CTNND2: variants seen among roughly 807,000 people sequenced by gnomAD.
The protein encoded by CTNND2 is catenin delta-2.
A neutral mutation model predicts 144.4 loss-of-function variants in CTNND2; 22 were observed. The ratio of observed to expected loss-of-function variants is 0.15; its 90% CI spans 0.11 to 0.22. The LOEUF is 0.22. Ranked by LOEUF, CTNND2 falls within the 10% of genes least tolerant of loss-of-function variation. The pLI is 1.00. For missense variants in CTNND2, 1,353 were observed against 1,618.8 expected (o/e 0.84, Z 2.82); for synonymous variants, 751 against 695.6 (o/e 1.08, Z -1.25).
At chr5:11,352,647 T>G (rs933833051) in intron 8 of CTNND2, among the ~76,000 whole-genome samples, 1 of 152,198 alleles carries the variant, frequency 6.6e-6, no homozygotes, top group South Asian at 2.1e-4. Context: ...ACTATACTTA[T>G]CTTAACCAAT....
chr5:11,785,711 G>A (rs1165686035), intron 1 of CTNND2, among the ~76,000 whole-genome samples: 1 of 152,202 alleles, frequency 6.6e-6, no homozygotes, highest in African/African-American at 2.4e-5. Flanking sequence ...AAAGAAGTAT[G>A]TTGGTAGAAT....
chr5:11,525,786 T>A (rs907497609), intron 3 of CTNND2, among the ~76,000 whole-genome samples: 1 of 152,234 alleles, frequency 6.6e-6, no homozygotes, highest in Admixed American at 6.5e-5. Flanking sequence ...GGTGCAGCGA[T>A]GGGATGGTGC....
chr5:11,478,051 A>G (rs914045663), intron 3 of CTNND2, among the ~76,000 whole-genome samples: 8 of 152,316 alleles, frequency 5.3e-5, no homozygotes, highest in Admixed American at 4.6e-4. Context: ...CTTGGTAAAA[A>G]TTCTTTGTTG....
At chr5:11,065,724 G>A (rs1356017469) in intron 16 of CTNND2, among the ~76,000 whole-genome samples, 1 of 152,072 alleles carries the variant, frequency 6.6e-6, no homozygotes, top group East Asian at 1.9e-4. Context: ...TATATATCGT[G>A]ATTTACTTTC....
chr5:11,305,084 C>T (rs142864453), intron 9 of CTNND2, among the ~76,000 whole-genome samples: 2 of 152,336 alleles, frequency 1.3e-5, no homozygotes, highest in African/African-American at 4.8e-5. Flanking sequence ...CTGCCTTGCT[C>T]CCTTCAGAGG....
intron 2 of CTNND2, among the ~76,000 whole-genome samples, chr5:11,671,881 C>A (rs12716084): frequency 0.1 from 15,587 of 152,090 alleles, 961 homozygotes; most frequent in African/African-American, 0.16. Flanking sequence ...GAATTTTCAG[C>A]ATTTTTGCAA....
chr5:11,171,026 G>A (rs1759850350), intron 11 of CTNND2, among the ~76,000 whole-genome samples: 1 of 152,114 alleles, frequency 6.6e-6, no homozygotes, highest in Non-Finnish European at 1.5e-5. Context: ...TACCTCCCAT[G>A]GGGTCCCTCC....
At chr5:11,401,830 G>A (rs1760676527) in intron 5 of CTNND2, among the ~76,000 whole-genome samples, 1 of 152,152 alleles carries the variant, frequency 6.6e-6, no homozygotes, top group Admixed American at 6.5e-5. Flanking sequence ...TCATGATTCT[G>A]TCACAACAAA....
In CTNND2 at chr5:11,904,233, C is replaced by T. The variant is rs1489847277; in HGVS notation, c.-380G>A. Among the ~76,000 whole-genome samples the T allele has an allele frequency of 6.9e-6, 1 of 144,934 alleles. No individual in the cohort carries two copies. Among genetic ancestry groups the T allele is most frequent in the Non-Finnish European group, 1.5e-5 (1 of 65,322 alleles). ...AGCCGGCTGTCGCCGCGGGCGCGAG[C>T]CTGGGGCCGCCGCGGCGCCCGGCGC... On this transcript the variant is annotated 5_prime_UTR_variant, in exon 1 of 22. Coordinates refer to ENST00000304623, the MANE Select transcript of CTNND2 (RefSeq NM_001332.4). The surrounding 1 kb of genome is among the most constrained non-coding windows in gnomAD (Gnocchi z 4.2).
Position 11,024,127 on chromosome 5 carries a change from G to A in CTNND2, c.2789-1148C>T, listed in dbSNP as rs182086791. On this transcript the variant is annotated intron_variant, in intron 16 of 21. Coordinates refer to ENST00000304623, the MANE Select transcript of CTNND2 (RefSeq NM_001332.4). ...TTTAATTCTCTGGTGTATGGTGCCT[G>A]GCAGCAGGAAGGGAACCTTGTGGGA... Among the ~76,000 whole-genome samples the A allele has an allele frequency of 1.1e-4, 16 of 152,330 alleles. No individual in the cohort carries two copies. The East Asian group carries it at 2.7e-3, about 26-fold the overall frequency.
chr5:11,340,802 C>G (rs1020888900), intron 9 of CTNND2, among the ~76,000 whole-genome samples: 2 of 152,148 alleles, frequency 1.3e-5, no homozygotes, highest in Non-Finnish European at 2.9e-5. Flanking sequence ...GGTTCTGTTT[C>G]CACCTCTCTG....
At chr5:11,851,690 T>C (rs1040682978) in intron 1 of CTNND2, among the ~76,000 whole-genome samples, 16 of 152,356 alleles carry the variant, frequency 1.1e-4, no homozygotes, top group Admixed American at 6.5e-4. Flanking sequence ...GGGAGTTTGC[T>C]TGGCCTGTGT....
At chr5:11,326,997 T>C (rs565644145) in intron 9 of CTNND2, among the ~76,000 whole-genome samples, 27 of 152,316 alleles carry the variant, frequency 1.8e-4, no homozygotes, top group Non-Finnish European at 2.9e-4. Context: ...CTTCTGATGA[T>C]TGTCCTCCTA....
chr5:11,182,169 AGTGGGCGTGTGGTGTGT>A (rs1225749569), intron 11 of CTNND2, among the ~76,000 whole-genome samples: 6 of 66,044 alleles, frequency 9.1e-5, no homozygotes, highest in African/African-American at 3.8e-4. Context: ...GTGTGGTGTG[AGTGGGCGTGTGGTGTGT>A]GTGGGGTATG....
At chr5:11,597,023 C>T (rs776486771) in intron 2 of CTNND2, among the ~76,000 whole-genome samples, 4 of 152,110 alleles carry the variant, frequency 2.6e-5, no homozygotes, top group Non-Finnish European at 5.9e-5. Flanking sequence ...GGACAGGCAG[C>T]GAACCCAAAC....
At chr5:11,433,672 C>G (rs1452706853) in intron 3 of CTNND2, among the ~76,000 whole-genome samples, 1 of 152,122 alleles carries the variant, frequency 6.6e-6, no homozygotes, top group Non-Finnish European at 1.5e-5. Context: ...TTTAAACAAG[C>G]AGATCTTCTG....
intron 3 of CTNND2, among the ~76,000 whole-genome samples, chr5:11,527,441 G>A (rs772061985): frequency 5.3e-5 from 8 of 152,048 alleles, no homozygotes; most frequent in Non-Finnish European, 1.2e-4. Flanking sequence ...GGCCTTCTGG[G>A]AGCCTGCCCT....
chr5:11,259,132 AAAAACG>A (rs1484002609), intron 9 of CTNND2, among the ~76,000 whole-genome samples: 1 of 152,192 alleles, frequency 6.6e-6, no homozygotes, highest in Non-Finnish European at 1.5e-5. Flanking sequence ...CCATCAGTTG[AAAAACG>A]AAAACTCAAG....
At chr5:11,135,726 T>C (rs1288957074) in intron 12 of CTNND2, among the ~76,000 whole-genome samples, 1 of 152,222 alleles carries the variant, frequency 6.6e-6, no homozygotes, top group Non-Finnish European at 1.5e-5. Context: ...GTTTCCCATC[T>C]TTATTTTCCA....
Sources: allele counts gnomAD v4.1 joint callset (sites outside exome capture counted in the v4.1 genomes callset), GRCh38; gene constraint gnomAD v4.1.1; non-coding constraint Gnocchi (gnomAD v3.1); transcripts MANE v1.5; gene names NCBI Gene and HGNC (gene_info 2026-07-23, HGNC 2026-07-21).